The following MGST1 variants were observed in gnomAD, a reference collection of about 807,000 sequenced individuals.
The protein encoded by MGST1 is glutathione S-transferase 12.
MGST1 carries 5 observed loss-of-function variants against 8.9 expected under a neutral mutation model. The ratio of observed to expected loss-of-function variants is 0.56; its 90% confidence interval spans 0.29 to 1.19. The LOEUF (loss-of-function observed/expected upper bound fraction) is 1.19, where lower values mean the gene tolerates loss of function less well. MGST1 is among the 50% of genes most tolerant of loss of function. The pLI, the probability that MGST1 is intolerant of heterozygous loss-of-function variation, is 0.08. For synonymous variants in MGST1, 54 were observed against 67.8 expected (o/e 0.80, Z 1.00); for missense variants, 182 against 187.4 (o/e 0.97, Z 0.17).
Position 16,558,813 on chromosome 12 carries a change from G to A in MGST1, n.483-30715G>A, listed in dbSNP as rs567088205. 3.2e-3 allele frequency among the ~76,000 whole-genome samples: 492 copies of A among 152,248 alleles called. 3 individuals are homozygous for A. The highest frequency in any genetic ancestry group is 6.8e-3 in the Middle Eastern group (2 of 294). ...GGAATATTATTTGGTAAATTATAAAGATAACTAACTTTTGAGAACCTGTTG... is the reference window on the plus strand; with the variant it reads ...GGAATATTATTTGGTAAATTATAAAAATAACTAACTTTTGAGAACCTGTTG... On this transcript the variant is annotated intron_variant and non_coding_transcript_variant, in intron 4 of 4. Transcript: ENST00000538857.
At chr12:16,489,979 T>C (rs1941428301) in intron 4 of MGST1, among the ~76,000 whole-genome samples, 1 of 152,144 alleles carries the variant, frequency 6.6e-6, no homozygotes, top group South Asian at 2.1e-4. Flanking sequence ...ACAAAAACTT[T>C]AGGCTGGGTG....
chr12:16,400,705 A>G, intron 1 of MGST1: 2 of 1,395,578 alleles, frequency 1.4e-6, no homozygotes, highest in Non-Finnish European at 2.0e-6. Context: ...TGCCTGGGCA[A>G]TAAAAGTTGA....
At chr12:16,455,155 A>T (rs752071741) in intron 4 of MGST1, among the ~76,000 whole-genome samples, 1 of 151,972 alleles carries the variant, frequency 6.6e-6, no homozygotes, top group Non-Finnish European at 1.5e-5. Flanking sequence ...AAGTCTATCA[A>T]ATATGCCTAG....
chr12:16,554,879 C>T (rs990246258), intron 4 of MGST1, among the ~76,000 whole-genome samples: 2 of 152,072 alleles, frequency 1.3e-5, no homozygotes, highest in African/African-American at 2.4e-5. Context: ...AGGATGGTCT[C>T]GATCTCCCAA....
chr12:16,474,839 T>A (rs917760908), intron 4 of MGST1, among the ~76,000 whole-genome samples: 1 of 152,216 alleles, frequency 6.6e-6, no homozygotes, highest in African/African-American at 2.4e-5. Context: ...TAAGTAGGTA[T>A]TAATCTTATT....
chr12:16,522,879 A>G (rs942532113), intron 4 of MGST1, among the ~76,000 whole-genome samples: 4 of 152,046 alleles, frequency 2.6e-5, no homozygotes, highest in Non-Finnish European at 5.9e-5. Flanking sequence ...AAGGTAATCA[A>G]GCTGTATCTC....
At chr12:16,463,363 A>C (rs1451764272) in intron 4 of MGST1, among the ~76,000 whole-genome samples, 1 of 148,010 alleles carries the variant, frequency 6.8e-6, no homozygotes, top group Non-Finnish European at 1.5e-5. Context: ...CTTTTTTCTT[A>C]AGAGAAAGAG....
intron 1 of MGST1, among the ~76,000 whole-genome samples, chr12:16,409,386 A>G (rs1940723153): frequency 6.6e-6 from 1 of 152,122 alleles, no homozygotes; most frequent in South Asian, 2.1e-4. Context: ...TTTATTACCC[A>G]CAAAGTATCT....
At chr12:16,485,293 A>T (rs537219501) in intron 4 of MGST1, among the ~76,000 whole-genome samples, 1 of 152,290 alleles carries the variant, frequency 6.6e-6, no homozygotes, top group Non-Finnish European at 1.5e-5. Flanking sequence ...TGTAGGCTCG[A>T]TTTAGAAGTG....
intron 4 of MGST1, among the ~76,000 whole-genome samples, chr12:16,575,832 C>T (rs965278322): frequency 2.8e-4 from 42 of 151,874 alleles, no homozygotes; most frequent in African/African-American, 1.0e-3. Context: ...TCACTTTCTA[C>T]TCACCAGGGC....
chr12:16,495,113 A>G (rs538091964), intron 4 of MGST1, among the ~76,000 whole-genome samples: 1 of 152,298 alleles, frequency 6.6e-6, no homozygotes, highest in Non-Finnish European at 1.5e-5. Context: ...TCCTAACACC[A>G]TGTCCTACAA....
intron 4 of MGST1, among the ~76,000 whole-genome samples, chr12:16,512,183 G>A (rs980349159): frequency 2.0e-5 from 3 of 151,876 alleles, no homozygotes; most frequent in Non-Finnish European, 4.4e-5. Context: ...CTGCCATAAG[G>A]TATGCACGGA....
At chr12:16,567,950 A>G (rs763526227) in intron 4 of MGST1, among the ~76,000 whole-genome samples, 15 of 152,132 alleles carry the variant, frequency 9.9e-5, no homozygotes, top group Non-Finnish European at 2.2e-4. Flanking sequence ...CATTTTAACA[A>G]CATGGTGGGG....
rs2137170704 is a variant in MGST1, at chr12:16,503,577, A to G, written n.483-85951A>G. ...TCTCTACTATTGGCTTCATAATTGT[A>G]CATCCTCTTTAGACAGGAGGCAGGA... On this transcript the variant is annotated intron_variant and non_coding_transcript_variant, in intron 4 of 4. Coordinates refer to the MGST1 transcript ENST00000538857. The surrounding 1 kb of genome is among the most constrained non-coding windows in gnomAD (Gnocchi z 4.8). Among the ~76,000 whole-genome samples the G allele has an allele frequency of 6.6e-6, 1 of 152,258 alleles. No homozygotes were observed.
In MGST1 at chr12:16,400,150, C is replaced by T. The variant is rs544138633; in HGVS notation, n.778+16546C>T. On this transcript the variant is annotated intron_variant and non_coding_transcript_variant, in intron 1 of 1. Transcript: ENST00000359720. ...CATCTGCTCAGCATAGAGGTCATCTCGGTCATGCATATGTTGATGTTTCCC... is the reference window on the plus strand; with the variant it reads ...CATCTGCTCAGCATAGAGGTCATCTTGGTCATGCATATGTTGATGTTTCCC... The T allele has an allele frequency of 1.7e-4, 232 of 1,370,778 alleles. 1 individual carries two copies. In the African/African-American group the frequency reaches 2.2e-3, roughly 13 times the overall value. The allele number at this position is 1,370,778 out of a possible 1,614,324, so 84.9% of individuals were successfully genotyped here.
chr12:16,498,317 G>A (rs1941483008), intron 4 of MGST1, among the ~76,000 whole-genome samples: 1 of 152,146 alleles, frequency 6.6e-6, no homozygotes, highest in Non-Finnish European at 1.5e-5. Flanking sequence ...GCCATCATCT[G>A]CCAGTGAACA....
At chr12:16,541,410 C>T (rs2137212874) in intron 4 of MGST1, among the ~76,000 whole-genome samples, 1 of 152,128 alleles carries the variant, frequency 6.6e-6, no homozygotes, top group East Asian at 1.9e-4. Flanking sequence ...GACATTTGCA[C>T]AATGGCTTTC....
intron 1 of MGST1, among the ~76,000 whole-genome samples, chr12:16,417,137 C>T (rs961731947): frequency 1.3e-5 from 2 of 152,036 alleles, no homozygotes; most frequent in East Asian, 3.8e-4. Flanking sequence ...GAGTGGGTAA[C>T]TCATAAGGGA....
chr12:16,403,164 T>A (rs1940674343), intron 1 of MGST1, among the ~76,000 whole-genome samples: 1 of 152,270 alleles, frequency 6.6e-6, no homozygotes, highest in South Asian at 2.1e-4. Flanking sequence ...ACCTTGCATG[T>A]GTCAATATGT....
Sources: gnomAD v4.1 joint callset for allele counts (sites outside exome capture counted in the v4.1 genomes callset) on GRCh38, gnomAD v4.1.1 for gene constraint, Gnocchi (gnomAD v3.1) non-coding constraint, MANE v1.5 for transcripts, NCBI Gene and HGNC (gene_info 2026-07-23, HGNC 2026-07-21) for gene names.